Variants in FBXW7 observed in about 807,000 individuals in gnomAD.
FBXW7 encodes the protein F-box and WD repeat domain containing 7, also known as F-box/WD repeat-containing protein 7.
FBXW7 carries 11 observed loss-of-function variants against 86.3 expected under a neutral mutation model. The ratio of observed to expected loss-of-function variants is 0.13; its 90% CI spans 0.08 to 0.21. The LOEUF (loss-of-function observed/expected upper bound fraction) is 0.21. FBXW7 is among the 10% of genes least tolerant of loss of function. FBXW7 has a pLI of 1.00. For synonymous variants in FBXW7, 313 were observed against 297.9 expected (o/e 1.05, Z -0.52); for missense variants, 488 against 847.4 (o/e 0.58, Z 5.27).
intron 7 of FBXW7, among the ~76,000 whole-genome samples, chr4:152,333,320 T>C (rs1053599802): frequency 1.3e-5 from 2 of 152,154 alleles, no homozygotes; most frequent in Admixed American, 6.5e-5. Flanking sequence ...GATTACCTTA[T>C]ATTACTTATA....
chr4:152,408,427 T>C (rs78552196), intron 4 of FBXW7, among the ~76,000 whole-genome samples: 2,579 of 152,316 alleles, frequency 0.017, 85 homozygotes, highest in African/African-American at 0.059. Flanking sequence ...AAGCAAGATT[T>C]AGAGGAATAG....
chr4:152,379,510 C>T (rs1199888962), intron 4 of FBXW7, among the ~76,000 whole-genome samples: 2 of 151,948 alleles, frequency 1.3e-5, no homozygotes, highest in Non-Finnish European at 2.9e-5. Context: ...TTTTTTCTTT[C>T]TCTCTTCTAA....
chr4:152,498,413 A>C (rs943221789), intron 2 of FBXW7, among the ~76,000 whole-genome samples: 1 of 152,228 alleles, frequency 6.6e-6, no homozygotes, highest in Non-Finnish European at 1.5e-5. Flanking sequence ...ATTGGGCCTC[A>C]TGGCCAGACT....
At position 152,424,736 on chromosome 4, in the gene FBXW7, T is replaced by C. The variant is rs1053968383; in HGVS notation, c.-119-12207A>G. 2.6e-5 allele frequency among the ~76,000 whole-genome samples: 4 copies of C among 152,342 alleles called. 1 individual carries two copies. Among genetic ancestry groups the C allele is most frequent in the East Asian group, 3.9e-4 (2 of 5,194 alleles). ...CAAATCACTACTTATCAAAGGTACA[T>C]AGGGTCAAAACCTCAAATACTAAAT... On this transcript the variant is annotated intron_variant, in intron 2 of 13. Transcript: ENST00000281708.
intron 4 of FBXW7, among the ~76,000 whole-genome samples, chr4:152,397,466 G>C (rs1736512857): frequency 6.6e-6 from 1 of 151,726 alleles, no homozygotes. Flanking sequence ...CGAGGCTAGA[G>C]TACTGTAGTA....
At chr4:152,460,812 G>A (rs1468998237) in intron 2 of FBXW7, among the ~76,000 whole-genome samples, 2 of 152,110 alleles carry the variant, frequency 1.3e-5, no homozygotes, top group Non-Finnish European at 2.9e-5. Context: ...CCAAAGTTGT[G>A]GGGGTTTTCA....
At chr4:152,425,433 C>T (rs1257028648) in intron 2 of FBXW7, among the ~76,000 whole-genome samples, 1 of 152,296 alleles carries the variant, frequency 6.6e-6, no homozygotes, top group African/African-American at 2.4e-5. Flanking sequence ...GATAGTACTT[C>T]AATACCCACC....
chr4:152,345,898 C>T (rs1332828044), intron 6 of FBXW7, among the ~76,000 whole-genome samples: 2 of 152,020 alleles, frequency 1.3e-5, no homozygotes, highest in Non-Finnish European at 2.9e-5. Context: ...ACGATTATTG[C>T]CTTATGCATT....
intron 2 of FBXW7, among the ~76,000 whole-genome samples, chr4:152,532,476 A>G (rs1028490594): frequency 6.6e-6 from 1 of 152,244 alleles, no homozygotes; most frequent in African/African-American, 2.4e-5. Flanking sequence ...CACAAACACA[A>G]CTGACCCTAA....
At chr4:152,514,266 C>T (rs1579402866) in intron 2 of FBXW7, among the ~76,000 whole-genome samples, 1 of 152,190 alleles carries the variant, frequency 6.6e-6, no homozygotes, top group East Asian at 1.9e-4. Flanking sequence ...CTTTCTCTTA[C>T]GTTCTAAGAA....
At chr4:152,498,459 G>A (rs923195242) in intron 2 of FBXW7, among the ~76,000 whole-genome samples, 1 of 152,166 alleles carries the variant, frequency 6.6e-6, no homozygotes, top group African/African-American at 2.4e-5. Context: ...AGCTCATTCA[G>A]CCTGGCATCA....
intron 2 of FBXW7, chr4:152,530,666 T>C (rs973484100): frequency 6.6e-5 from 10 of 152,202 alleles, no homozygotes; most frequent in African/African-American, 1.7e-4. Flanking sequence ...GAGAAAAACA[T>C]CTCATCTAGA....
chr4:152,368,899 GTTAA>G (rs1479804944), intron 4 of FBXW7, among the ~76,000 whole-genome samples: 2 of 152,000 alleles, frequency 1.3e-5, no homozygotes, highest in Non-Finnish European at 2.9e-5. Flanking sequence ...ACATAATGGG[GTTAA>G]TTTTTACATA....
chr4:152,466,725 G>A lies in FBXW7; in HGVS notation c.-119-54196C>T, dbSNP rs551146195. Among the ~76,000 whole-genome samples, 103 of 152,164 alleles carry A rather than the reference G, an allele frequency of 6.8e-4. 1 individual carries two copies. The South Asian group carries it at 0.018, about 26-fold the overall frequency. Reference sequence around the variant, plus strand: ...TGGGAGGCCGAGGTGGGCGGATCACGAGGTCAGGAGATCGAGACCATCCTG... The same window carrying A: ...TGGGAGGCCGAGGTGGGCGGATCACAAGGTCAGGAGATCGAGACCATCCTG... On this transcript the variant is annotated intron_variant, in intron 2 of 13. Transcript: ENST00000281708.
chr4:152,357,045 A>C (rs764882169), intron 4 of FBXW7, among the ~76,000 whole-genome samples: 1 of 152,184 alleles, frequency 6.6e-6, no homozygotes, highest in Non-Finnish European at 1.5e-5. Context: ...AGTTCTAAAA[A>C]ATTTTTGAGA....
intron 4 of FBXW7, among the ~76,000 whole-genome samples, chr4:152,408,645 G>C (rs1485901433): frequency 6.6e-6 from 1 of 152,148 alleles, no homozygotes; most frequent in Non-Finnish European, 1.5e-5. Flanking sequence ...ACTTCAAATG[G>C]GACATAGTAT....
intron 2 of FBXW7, among the ~76,000 whole-genome samples, chr4:152,419,570 T>C (rs1185341861): frequency 6.8e-6 from 1 of 146,690 alleles, no homozygotes; most frequent in Non-Finnish European, 1.5e-5. Flanking sequence ...ATGGAGTTTA[T>C]CTGCCTTCTG....
chr4:152,339,592 C>T (rs1730507379), intron 6 of FBXW7, among the ~76,000 whole-genome samples: 1 of 152,100 alleles, frequency 6.6e-6, no homozygotes, highest in African/African-American at 2.4e-5. Context: ...AATGCATGGA[C>T]ACTAATACAA....
At chr4:152,354,021 G>A (rs1283504894) in intron 4 of FBXW7, among the ~76,000 whole-genome samples, 3 of 151,986 alleles carry the variant, frequency 2.0e-5, no homozygotes. Flanking sequence ...GGTGGTAAAT[G>A]GCTTTCTTTA....
Sources: gnomAD v4.1 joint callset for allele counts (sites outside exome capture counted in the v4.1 genomes callset) on GRCh38, gnomAD v4.1.1 for gene constraint, MANE v1.5 for transcripts, NCBI Gene and HGNC (gene_info 2026-07-23, HGNC 2026-07-21) for gene names.